The following SEMA3A variants were observed in gnomAD, a reference collection of about 807,000 sequenced individuals.
The protein encoded by SEMA3A is semaphorin 3A, also known as semaphorin-3A.
In SEMA3A, 29 loss-of-function variants were observed where a neutral mutation model predicts 97.9. The observed-to-expected ratio is 0.30, with a 90% confidence interval of 0.22 to 0.40. SEMA3A has a LOEUF of 0.40. SEMA3A is among the 10% of genes least tolerant of loss of function. The pLI is 1.00. For synonymous variants in SEMA3A, 321 were observed against 323.7 expected (o/e 0.99, Z 0.09); for missense variants, 763 against 951.3 (o/e 0.80, Z 2.60).
intron 4 of SEMA3A, among the ~76,000 whole-genome samples, chr7:84,062,073 T>A (rs1479516323): frequency 6.6e-6 from 1 of 152,186 alleles, no homozygotes; most frequent in Non-Finnish European, 1.5e-5. Flanking sequence ...TTTGGAGGGT[T>A]AAATAATTTA....
At chr7:84,321,982 G>A (rs1417799847) in intron 2 of SEMA3A, among the ~76,000 whole-genome samples, 2 of 148,544 alleles carry the variant, frequency 1.3e-5, no homozygotes, top group African/African-American at 4.9e-5. Flanking sequence ...TCACAGTTCC[G>A]CATGGCTGGG....
intron 3 of SEMA3A, among the ~76,000 whole-genome samples, chr7:84,210,838 C>G (rs1798608284): frequency 6.6e-6 from 1 of 151,840 alleles, no homozygotes; most frequent in Admixed American, 6.6e-5. Context: ...CTTTCAAATA[C>G]AAGAACTTCA....
At chr7:84,287,328 C>T (rs1230759298) in intron 3 of SEMA3A, among the ~76,000 whole-genome samples, 3 of 151,984 alleles carry the variant, frequency 2.0e-5, no homozygotes, top group Non-Finnish European at 4.4e-5. Context: ...CAAAAAACAT[C>T]ACTCCCATTT....
intron 1 of SEMA3A, among the ~76,000 whole-genome samples, chr7:84,372,555 C>T (rs1802999882): frequency 6.6e-6 from 1 of 151,982 alleles, no homozygotes; most frequent in Admixed American, 6.6e-5. Flanking sequence ...ATGAGTCACT[C>T]ATTGAGAGTT....
chr7:84,039,769 T>C (rs1792068654), intron 6 of SEMA3A, among the ~76,000 whole-genome samples: 1 of 152,158 alleles, frequency 6.6e-6, no homozygotes, highest in South Asian at 2.1e-4. Context: ...ATGCAACTTA[T>C]AAAATTAAGC....
chr7:84,163,506 TTAAA>T (rs1284698808), intron 1 of SEMA3A, among the ~76,000 whole-genome samples: 1 of 152,176 alleles, frequency 6.6e-6, no homozygotes, highest in Non-Finnish European at 1.5e-5. Context: ...AAAATTCAGC[TTAAA>T]TAATGTGCAC....
intron 4 of SEMA3A, among the ~76,000 whole-genome samples, chr7:84,087,263 GTTAT>G (rs1794411044): frequency 2.0e-5 from 3 of 152,078 alleles, no homozygotes; most frequent in South Asian, 2.1e-4. Context: ...GTGATTTTGT[GTTAT>G]TTAACATTTT....
intron 1 of SEMA3A, among the ~76,000 whole-genome samples, chr7:84,168,071 T>C (rs771658899): frequency 3.9e-5 from 6 of 152,082 alleles, no homozygotes; most frequent in Non-Finnish European, 8.8e-5. Context: ...GTATTACCTA[T>C]GAAGAAATAA....
At chr7:84,077,460 T>G (rs560540256) in intron 4 of SEMA3A, among the ~76,000 whole-genome samples, 1 of 152,054 alleles carries the variant, frequency 6.6e-6, no homozygotes, top group Non-Finnish European at 1.5e-5. Context: ...AAGGAGCATA[T>G]GTCCTGTAAA....
intron 3 of SEMA3A, among the ~76,000 whole-genome samples, chr7:84,215,775 A>T (rs1798738483): frequency 6.6e-6 from 1 of 152,218 alleles, no homozygotes; most frequent in Admixed American, 6.5e-5. Flanking sequence ...TAGAATACCT[A>T]GTATAACTGG....
chr7:84,420,731 T>C (rs1176221582), intron 1 of SEMA3A, among the ~76,000 whole-genome samples: 1 of 152,096 alleles, frequency 6.6e-6, no homozygotes, highest in Non-Finnish European at 1.5e-5. Context: ...GGTGTATGTG[T>C]CCAGGAATTT....
chr7:84,235,718 A>C (rs1799221223), intron 3 of SEMA3A, among the ~76,000 whole-genome samples: 1 of 152,090 alleles, frequency 6.6e-6, no homozygotes, highest in Non-Finnish European at 1.5e-5. Context: ...ACCAATTATC[A>C]ATGAGCTTAT....
chr7:84,050,461 G>A (rs1418181241), intron 5 of SEMA3A, among the ~76,000 whole-genome samples: 1 of 152,040 alleles, frequency 6.6e-6, no homozygotes, highest in Admixed American at 6.6e-5. Context: ...GATGGCCAGT[G>A]ATGGTGAGCA....
intron 10 of SEMA3A, among the ~76,000 whole-genome samples, chr7:84,006,929 A>G (rs1790691109): frequency 6.6e-6 from 1 of 152,140 alleles, no homozygotes; most frequent in African/African-American, 2.4e-5. Flanking sequence ...GTAAGGTTGT[A>G]TTTCTTGTTT....
chr7:84,465,769 A>T (rs1805973964), intron 1 of SEMA3A, among the ~76,000 whole-genome samples: 1 of 152,156 alleles, frequency 6.6e-6, no homozygotes, highest in East Asian at 1.9e-4. Context: ...TATCTACCAA[A>T]TCTACTCTAC....
chr7:84,011,335 GA>G (rs1212332764), intron 7 of SEMA3A, 38 bp from the exon 8 acceptor site: 2 of 1,239,812 alleles, frequency 1.6e-6, no homozygotes, highest in African/African-American at 3.0e-5. Context: ...CACTGTTAAT[GA>G]AAATGATAAT....
chr7:84,196,184 G>A (rs76614559), upstream of SEMA3A, among the ~76,000 whole-genome samples: 9,478 of 151,704 alleles, frequency 0.062, 336 homozygotes, highest in African/African-American at 0.091. Context: ...TCAATAGTAG[G>A]GAAACTTCTT....
At chr7:84,108,905 C>T (rs1177277679) in intron 4 of SEMA3A, among the ~76,000 whole-genome samples, 2 of 71,818 alleles carry the variant, frequency 2.8e-5, no homozygotes, top group African/African-American at 1.1e-4. Context: ...ACTCCATACT[C>T]ACAAGAAAAA....
At chr7:84,003,880 TGCTTTGGATTCTTTTATTTG>T (rs1306907393) in intron 11 of SEMA3A, among the ~76,000 whole-genome samples, 7 of 152,128 alleles carry the variant, frequency 4.6e-5, no homozygotes, top group Non-Finnish European at 1.0e-4. Context: ...ACCCTGGGTC[TGCTTTGGATTCTTTTATTTG>T]GTAGAGAAAC....
Sources: gnomAD v4.1 joint callset for allele counts (sites outside exome capture counted in the v4.1 genomes callset) on GRCh38, gnomAD v4.1.1 for gene constraint, MANE v1.5 for transcripts, NCBI Gene and HGNC (gene_info 2026-07-23, HGNC 2026-07-21) for gene names.